ELAPOR1: variants seen among roughly 807,000 people sequenced by gnomAD.
ELAPOR1 encodes endosome-lysosome associated apoptosis and autophagy regulator 1, also known as endosome/lysosome-associated apoptosis and autophagy regulator 1.
In ELAPOR1, 77 loss-of-function variants were observed where a neutral mutation model predicts 119.7. The ratio of observed to expected loss-of-function variants is 0.64; its 90% CI spans 0.54 to 0.78. The LOEUF (loss-of-function observed/expected upper bound fraction) is 0.78. ELAPOR1 is among the 30% of genes least tolerant of loss of function. The pLI is 0.00. For missense variants in ELAPOR1, 1,115 were observed against 1,270.4 expected (o/e 0.88, Z 1.86); for synonymous variants, 481 against 487.2 (o/e 0.99, Z 0.17).
At chr1:109,117,334 T>C (rs753397354) in intron 1 of ELAPOR1, among the ~76,000 whole-genome samples, 9 of 152,228 alleles carry the variant, frequency 5.9e-5, no homozygotes, top group Non-Finnish European at 7.3e-5. Context: ...AAGTGCTGAC[T>C]GCGAGCCAAA....
chr1:109,150,175 G>C (rs1650440675), intron 1 of ELAPOR1, among the ~76,000 whole-genome samples: 1 of 152,182 alleles, frequency 6.6e-6, no homozygotes. Flanking sequence ...AACTACCCCA[G>C]GTCCGTGTGG....
At chr1:109,135,515 T>C (rs1025873031) in intron 1 of ELAPOR1, among the ~76,000 whole-genome samples, 4 of 152,172 alleles carry the variant, frequency 2.6e-5, no homozygotes, top group Non-Finnish European at 5.9e-5. Context: ...AGTGCTGGGA[T>C]TACAGGTGTG....
chr1:109,201,255 T>A (rs531184828), intron 21 of ELAPOR1: 59 of 457,470 alleles, frequency 1.3e-4, no homozygotes, highest in African/African-American at 1.1e-3. Context: ...AAAGGTGATC[T>A]CTGGGATCAA....
At chr1:109,174,002 T>TAATCA (rs112903057) in intron 7 of ELAPOR1, among the ~76,000 whole-genome samples, 165 bp downstream of exon 7, 36,537 of 148,290 alleles carry the variant, frequency 0.25, 4,701 homozygotes, top group East Asian at 0.51. Context: ...ATATATCCAT[T>TAATCA]AATCACTTTG....
At chr1:109,150,467 C>G (rs994970854) in intron 1 of ELAPOR1, among the ~76,000 whole-genome samples, 1 of 152,138 alleles carries the variant, frequency 6.6e-6, no homozygotes, top group Non-Finnish European at 1.5e-5. Flanking sequence ...TTTGCTTCTT[C>G]GACTGCTGCT....
At chr1:109,198,812 T>C in intron 18 of ELAPOR1, 138 bp downstream of exon 18, 1 of 687,898 alleles carries the variant, frequency 1.5e-6, no homozygotes, top group South Asian at 1.9e-5. Context: ...GGCACAGTCA[T>C]GGCCCCAGAC....
chr1:109,144,228 T>A (rs1650041259), intron 1 of ELAPOR1, among the ~76,000 whole-genome samples: 1 of 150,630 alleles, frequency 6.6e-6, no homozygotes, highest in Admixed American at 6.6e-5. Context: ...CCCGGCTAAT[T>A]TTTTGTAGAG....
chr1:109,150,897 A>G (rs1424086278), intron 1 of ELAPOR1, among the ~76,000 whole-genome samples: 1 of 152,184 alleles, frequency 6.6e-6, no homozygotes, highest in Non-Finnish European at 1.5e-5. Flanking sequence ...TTACTGATAC[A>G]TGATGGCAGG....
At chr1:109,138,834 C>CAAAAAAAAAAAAAAAAAAAAAAA (rs150398954) in intron 1 of ELAPOR1, among the ~76,000 whole-genome samples, 49 of 107,252 alleles carry the variant, frequency 4.6e-4, no homozygotes, top group Non-Finnish European at 7.1e-4. Context: ...AACTCCATCT[C>CAAAAAAAAAAAAAAAAAAAAAAA]AAAAAAAAAA....
chr1:109,161,986 G>C lies in ELAPOR1; in HGVS notation c.246G>C (p.Leu82=). ...ATACCCCGGGCCTGTGCACCAGCCTGCCTGACCCCATCAAGGGCACCGAGT... is the reference window on the plus strand; with the variant it reads ...ATACCCCGGGCCTGTGCACCAGCCTCCCTGACCCCATCAAGGGCACCGAGT... ...VPHTPGLCTS[L]PDPIKGTECS... The change falls in exon 2 of 22, where the codon CTG becomes CTC. Residue 82 remains leucine (L), a synonymous_variant. Transcript: ENST00000369939. 1.9e-6 allele frequency: 3 copies of C among 1,613,562 alleles called. No individual in the cohort carries two copies. The highest frequency in any genetic ancestry group is 1.7e-4 in the Middle Eastern group (1 of 6,060).
chr1:109,201,783 C>T (rs1337246), intron 21 of ELAPOR1, among the ~76,000 whole-genome samples: 1,680 of 152,252 alleles, frequency 0.011, 21 homozygotes, highest in Middle Eastern at 0.02. Context: ...CTATCTGGGA[C>T]TGCTAGAATT....
chr1:109,203,048 C>A lies in ELAPOR1; in HGVS notation c.*36C>A. ...CTGCCTCACCTGCCTCCTCACCTTG[C>A]ATAGCACCTTTGCAAGCCTGCGGCG... On this transcript the variant is annotated 3_prime_UTR_variant, in exon 22 of 22. Transcript: ENST00000369939. The A allele has an allele frequency of 2.7e-6, 4 of 1,465,910 alleles. No homozygotes were observed. The highest frequency in any genetic ancestry group is 1.8e-5 in the Admixed American group (1 of 56,528). The allele number at this position is 1,465,910 out of a possible 1,614,324, so 90.8% of individuals were successfully genotyped here.
intron 1 of ELAPOR1, among the ~76,000 whole-genome samples, chr1:109,126,435 T>G (rs1648783069): frequency 6.6e-6 from 1 of 152,132 alleles, no homozygotes; most frequent in African/African-American, 2.4e-5. Context: ...AAATAAAAAT[T>G]TATCCCAATT....
chr1:109,115,702 G>A (rs950357246), intron 1 of ELAPOR1, among the ~76,000 whole-genome samples: 3 of 152,120 alleles, frequency 2.0e-5, no homozygotes, highest in Admixed American at 6.5e-5. Context: ...AGTCAGGTGT[G>A]GGGGGGAGGA....
At chr1:109,178,339 C>T (rs1235592762) in intron 7 of ELAPOR1, among the ~76,000 whole-genome samples, 3 of 152,128 alleles carry the variant, frequency 2.0e-5, no homozygotes, top group Non-Finnish European at 4.4e-5. Context: ...GGAACATGGT[C>T]AACTTGTTGA....
Position 109,172,000 on chromosome 1 carries a change from T to C in ELAPOR1, c.602T>C (p.Ile201Thr). ...FEYYYPDSSI[I>T]FEFFVQNDQC... ...TACTACTATCCAGACTCCAGCATCA[T>C]CTTTGAGTTTTTCGTAAGCCCCTGG... is the stretch of plus-strand genomic sequence containing the variant. The change falls in exon 4 of 22, where the codon ATC becomes ACC. Residue 201 changes from isoleucine (I) to threonine (T), a missense_variant. Transcript: ENST00000369939. 2 of 1,614,194 alleles carry C rather than the reference T, an allele frequency of 1.2e-6. No individual in the cohort carries two copies. The highest frequency in any genetic ancestry group is 1.7e-6 in the Non-Finnish European group (2 of 1,180,028).
intron 7 of ELAPOR1, among the ~76,000 whole-genome samples, chr1:109,178,798 C>T (rs1175810289): frequency 6.6e-6 from 1 of 152,048 alleles, no homozygotes; most frequent in Middle Eastern, 3.4e-3. Flanking sequence ...AACCCCAACT[C>T]TACTAGAAAT....
chr1:109,164,097 T>C (rs1182104332), intron 2 of ELAPOR1, among the ~76,000 whole-genome samples: 1 of 152,166 alleles, frequency 6.6e-6, no homozygotes, highest in Non-Finnish European at 1.5e-5. Context: ...CCTTTAAGGA[T>C]AAAATTCAGT....
chr1:109,162,505 T>C (rs936907805), intron 2 of ELAPOR1, among the ~76,000 whole-genome samples: 2 of 152,194 alleles, frequency 1.3e-5, no homozygotes, highest in African/African-American at 2.4e-5. Context: ...GTGGGTCTGA[T>C]TGTGCAATAG....
Sources: allele counts gnomAD v4.1 joint callset (sites outside exome capture counted in the v4.1 genomes callset), GRCh38; gene constraint gnomAD v4.1.1; transcripts MANE v1.5; gene names NCBI Gene and HGNC (gene_info 2026-07-23, HGNC 2026-07-21).